The following RBFOX1 variants were observed in gnomAD, a reference collection of about 807,000 sequenced individuals.
The protein encoded by RBFOX1 is RNA binding protein fox-1 homolog 1.
In RBFOX1, 8 loss-of-function variants were observed where a neutral mutation model predicts 57.7. The ratio of observed to expected loss-of-function variants is 0.14; its 90% CI spans 0.08 to 0.25. RBFOX1 has a LOEUF of 0.25. Among genes scored for constraint, RBFOX1 ranks in the 10% least tolerant of loss-of-function variants. The pLI is 1.00. For synonymous variants in RBFOX1, 326 were observed against 222.4 expected (o/e 1.47, Z -4.15); for missense variants, 611 against 548.5 (o/e 1.11, Z -1.14).
At chr16:6,067,283 C>A (rs1043514472) in intron 1 of RBFOX1, among the ~76,000 whole-genome samples, 1 of 152,124 alleles carries the variant, frequency 6.6e-6, no homozygotes, top group Admixed American at 6.5e-5. Flanking sequence ...CGTTCTGGGG[C>A]TGTACTCTTA....
At chr16:5,433,345 C>T (rs1241978159) in intron 1 of RBFOX1, among the ~76,000 whole-genome samples, 1 of 152,180 alleles carries the variant, frequency 6.6e-6, no homozygotes, top group African/African-American at 2.4e-5. Flanking sequence ...TGCTCTCTGC[C>T]TCCTCTTTTC....
At chr16:5,362,141 C>T (rs1281591158) in intron 1 of RBFOX1, among the ~76,000 whole-genome samples, 1 of 152,166 alleles carries the variant, frequency 6.6e-6, no homozygotes, top group Non-Finnish European at 1.5e-5. Context: ...TTGTTATCTA[C>T]AGGCATAATA....
chr16:5,315,886 CTCA>C (rs1294052722), intron 1 of RBFOX1, among the ~76,000 whole-genome samples: 3 of 152,116 alleles, frequency 2.0e-5, no homozygotes, highest in Admixed American at 6.5e-5. Context: ...GAGTATCAGA[CTCA>C]TCATACATTC....
intron 4 of RBFOX1, among the ~76,000 whole-genome samples, chr16:7,223,935 C>T (rs918276420): frequency 5.9e-5 from 9 of 151,642 alleles, no homozygotes; most frequent in Non-Finnish European, 1.0e-4. Context: ...TGGACACATA[C>T]CAGGATAGGC....
At chr16:6,220,335 A>G (rs2097364423) in intron 1 of RBFOX1, among the ~76,000 whole-genome samples, 1 of 152,304 alleles carries the variant, frequency 6.6e-6, no homozygotes, top group Admixed American at 6.5e-5. Context: ...TCCCATAGAT[A>G]CTAGGCCCAC....
intron 3 of RBFOX1, among the ~76,000 whole-genome samples, chr16:6,905,956 T>C (rs1398247176): frequency 6.6e-6 from 1 of 152,172 alleles, no homozygotes; most frequent in Non-Finnish European, 1.5e-5. Context: ...AAGGTGAGCT[T>C]TGTTAGGTGC....
At chr16:6,281,346 C>G (rs149714751) in intron 1 of RBFOX1, among the ~76,000 whole-genome samples, 1 of 152,220 alleles carries the variant, frequency 6.6e-6, no homozygotes, top group Non-Finnish European at 1.5e-5. Flanking sequence ...ATTATGCACA[C>G]CGGGAAGTGT....
intron 4 of RBFOX1, among the ~76,000 whole-genome samples, chr16:7,202,416 T>C (rs2088805700): frequency 6.6e-6 from 1 of 151,904 alleles, no homozygotes; most frequent in African/African-American, 2.4e-5. Flanking sequence ...GAAGACAGCA[T>C]GGAGATTCCC....
chr16:6,905,910 G>A (rs1259516759), intron 3 of RBFOX1, among the ~76,000 whole-genome samples: 9 of 152,194 alleles, frequency 5.9e-5, no homozygotes, highest in Admixed American at 1.3e-4. Context: ...GGCTTTCTCT[G>A]TAGTGACATT....
At chr16:7,321,531 AC>A (rs2096545635) in intron 4 of RBFOX1, among the ~76,000 whole-genome samples, 1 of 152,104 alleles carries the variant, frequency 6.6e-6, no homozygotes, top group South Asian at 2.1e-4. Context: ...GGCCAGATTT[AC>A]CCTTCACAAG....
chr16:7,045,397 T>C (rs1279797118), intron 3 of RBFOX1, among the ~76,000 whole-genome samples: 1 of 152,162 alleles, frequency 6.6e-6, no homozygotes, highest in Non-Finnish European at 1.5e-5. Context: ...ACTTGAAATA[T>C]CCTTTTTCTT....
At chr16:7,440,557 A>G (rs1317247920) in intron 4 of RBFOX1, among the ~76,000 whole-genome samples, 1 of 152,308 alleles carries the variant, frequency 6.6e-6, no homozygotes, top group African/African-American at 2.4e-5. Flanking sequence ...CGTATAGGCA[A>G]TTAGGACTTA....
At chr16:6,003,872 G>A (rs1381702666) in intron 4 of RBFOX1, among the ~76,000 whole-genome samples, 1 of 152,210 alleles carries the variant, frequency 6.6e-6, no homozygotes, top group African/African-American at 2.4e-5. Flanking sequence ...GCAGGCCTAG[G>A]TGGCCAGATG....
chr16:5,609,922 T>TA (rs1232759841), intron 3 of RBFOX1, among the ~76,000 whole-genome samples: 14 of 152,190 alleles, frequency 9.2e-5, no homozygotes, highest in African/African-American at 1.4e-4. Flanking sequence ...TTTGTACTCT[T>TA]ACCCTCTTTG....
chr16:6,788,130 G>C (rs1238730628), intron 3 of RBFOX1, among the ~76,000 whole-genome samples: 2 of 152,160 alleles, frequency 1.3e-5, no homozygotes, highest in East Asian at 3.9e-4. Flanking sequence ...GCTGAGGCAG[G>C]AGAACCGCTT....
intron 1 of RBFOX1, among the ~76,000 whole-genome samples, chr16:6,273,680 C>G (rs1463723012): frequency 6.6e-6 from 1 of 151,792 alleles, no homozygotes; most frequent in East Asian, 1.9e-4. Flanking sequence ...AAGCACAGTT[C>G]ATAAAGAAAA....
intron 2 of RBFOX1, chr16:6,577,270 C>G (rs1028037953): frequency 6.6e-6 from 1 of 152,154 alleles, no homozygotes; most frequent in African/African-American, 2.4e-5. Flanking sequence ...TGCCTAACAT[C>G]ATACTAATGG....
intron 1 of RBFOX1, among the ~76,000 whole-genome samples, chr16:6,164,949 G>A (rs35594875): frequency 0.25 from 37,572 of 151,974 alleles, 5,255 homozygotes; most frequent in East Asian, 0.35. Flanking sequence ...GGGAAAGTGT[G>A]CAGTTCAATA....
intron 3 of RBFOX1, among the ~76,000 whole-genome samples, chr16:6,897,274 T>C (rs983309226): frequency 2.0e-5 from 3 of 152,110 alleles, no homozygotes; most frequent in African/African-American, 7.2e-5. Flanking sequence ...ATACAAAAAT[T>C]AGCTTGTAAG....
Sources: gnomAD v4.1 joint callset for allele counts (sites outside exome capture counted in the v4.1 genomes callset) on GRCh38, gnomAD v4.1.1 for gene constraint, MANE v1.5 for transcripts, NCBI Gene and HGNC (gene_info 2026-07-23, HGNC 2026-07-21) for gene names.